Variants in KCNQ3 observed in about 807,000 individuals in gnomAD.
The protein encoded by KCNQ3 is potassium voltage-gated channel subfamily Q member 3.
KCNQ3 carries 30 observed loss-of-function variants against 92.5 expected under a neutral mutation model. The observed-to-expected ratio is 0.32, with a 90% CI of 0.24 to 0.44. The LOEUF (loss-of-function observed/expected upper bound fraction) is 0.44, where lower values mean the gene tolerates loss of function less well. KCNQ3 is among the 20% of genes least tolerant of loss of function. The probability of loss-of-function intolerance (pLI) is 1.00; values close to 1 mark genes in which losing one functional copy is unlikely to be tolerated. For synonymous variants in KCNQ3, 450 were observed against 468.8 expected, an observed-to-expected ratio of 0.96 and a Z score of 0.52; for missense variants, 913 against 1,140.3, an observed-to-expected ratio of 0.80 and a Z score of 2.87.
intron 1 of KCNQ3, among the ~76,000 whole-genome samples, chr8:132,446,676 C>T (rs1821685177): frequency 6.6e-6 from 1 of 152,146 alleles, no homozygotes; most frequent in African/African-American, 2.4e-5. Context: ...CAGGTAATTT[C>T]CAGAGGATTT....
intron 1 of KCNQ3, among the ~76,000 whole-genome samples, chr8:132,455,908 AT>A (rs1035304884): frequency 1.0e-3 from 149 of 148,874 alleles, no homozygotes; most frequent in Non-Finnish European, 1.6e-4. Flanking sequence ...AGCCTGGCTA[AT>A]TTTTTTTTTG....
At chr8:132,458,401 A>C (rs1288263645) in intron 1 of KCNQ3, among the ~76,000 whole-genome samples, 1 of 152,242 alleles carries the variant, frequency 6.6e-6, no homozygotes. Flanking sequence ...TCATGCCTAC[A>C]TGCACAAAAC....
chr8:132,256,821 C>T (rs1339969557), intron 1 of KCNQ3, among the ~76,000 whole-genome samples: 2 of 151,928 alleles, frequency 1.3e-5, no homozygotes, highest in African/African-American at 4.8e-5. Context: ...AACAAACAAA[C>T]AAAAAATTTG....
At chr8:132,346,017 T>A (rs1164640116) in intron 1 of KCNQ3, among the ~76,000 whole-genome samples, 1 of 151,834 alleles carries the variant, frequency 6.6e-6, no homozygotes, top group African/African-American at 2.4e-5. Context: ...ATGATGATGA[T>A]GGTGATGATG....
At chr8:132,408,912 A>G (rs1342842874) in intron 1 of KCNQ3, among the ~76,000 whole-genome samples, 2 of 152,186 alleles carry the variant, frequency 1.3e-5, no homozygotes, top group Non-Finnish European at 2.9e-5. Context: ...TGAGCCTCAG[A>G]TGAGATGCAG....
intron 1 of KCNQ3, among the ~76,000 whole-genome samples, chr8:132,297,742 T>C (rs1817090150): frequency 6.6e-6 from 1 of 152,268 alleles, no homozygotes; most frequent in Admixed American, 6.5e-5. Flanking sequence ...AGCAGGGCTC[T>C]GCTGGAGAAG....
rs386414036 is a variant in KCNQ3, at chr8:132,294,000, G to GTTTTTTTT, written c.387-107827_387-107820dup. Among the ~76,000 whole-genome samples, 5 of 124,192 alleles carry GTTTTTTTT rather than the reference G, an allele frequency of 4.0e-5. 1 individual carries two copies. The highest frequency in any genetic ancestry group is 4.8e-5 in the Non-Finnish European group (3 of 62,228). The allele number at this position is 124,192 out of a possible 152,430, so 81.5% of individuals were successfully genotyped here. On this transcript the variant is annotated intron_variant, in intron 1 of 14. Transcript: ENST00000388996. ...ACTAAGGGTTTTTTGTGTGTGTGTG[G>GTTTTTTTT]TTTTTTTTTTTTTTTTTTGAGACGG...
chr8:132,299,384 C>T (rs1053391480), intron 1 of KCNQ3, among the ~76,000 whole-genome samples: 1 of 152,098 alleles, frequency 6.6e-6, no homozygotes, highest in African/African-American at 2.4e-5. Context: ...CACTTAAAAA[C>T]CTAATGTGGA....
At chr8:132,452,065 T>A (rs1037992129) in intron 1 of KCNQ3, among the ~76,000 whole-genome samples, 3 of 152,084 alleles carry the variant, frequency 2.0e-5, no homozygotes, top group African/African-American at 7.3e-5. Context: ...GTTTTTCGTT[T>A]GTTTGTCACT....
chr8:132,136,142 A>AG (rs1825081162), intron 12 of KCNQ3, among the ~76,000 whole-genome samples: 4 of 149,142 alleles, frequency 2.7e-5, no homozygotes, highest in Admixed American at 1.3e-4. Context: ...AAAAAAAAAA[A>AG]AAAAGAAAAG....
chr8:132,302,879 G>T (rs1020835349), intron 1 of KCNQ3, among the ~76,000 whole-genome samples: 1 of 152,212 alleles, frequency 6.6e-6, no homozygotes, highest in African/African-American at 2.4e-5. Flanking sequence ...TGTCTGTCCA[G>T]GAGGCAGCTG....
intron 1 of KCNQ3, among the ~76,000 whole-genome samples, chr8:132,393,060 T>C (rs1820092467): frequency 6.6e-6 from 1 of 152,162 alleles, no homozygotes; most frequent in Non-Finnish European, 1.5e-5. Context: ...TTAAAAATAT[T>C]CCTGAATTGT....
intron 1 of KCNQ3, among the ~76,000 whole-genome samples, chr8:132,205,095 T>A (rs1319206270): frequency 6.6e-6 from 1 of 152,220 alleles, no homozygotes; most frequent in African/African-American, 2.4e-5. Flanking sequence ...ATCATTTTTA[T>A]TGATGTCTTC....
chr8:132,292,174 T>G (rs1816853987), intron 1 of KCNQ3, among the ~76,000 whole-genome samples: 1 of 152,196 alleles, frequency 6.6e-6, no homozygotes, highest in South Asian at 2.1e-4. Context: ...AAAGCTTGAG[T>G]CTCACTGGGG....
At chr8:132,331,415 A>G (rs982440344) in intron 1 of KCNQ3, among the ~76,000 whole-genome samples, 14 of 152,106 alleles carry the variant, frequency 9.2e-5, no homozygotes, top group African/African-American at 2.9e-4. Flanking sequence ...CCCAGCTGAG[A>G]CTCAGGGGTG....
chr8:132,184,503 G>C, intron 2 of KCNQ3, 136 bp from the exon 3 acceptor site: 2 of 605,184 alleles, frequency 3.3e-6, no homozygotes, highest in Non-Finnish European at 5.8e-6. Context: ...GATGGCTGGG[G>C]ATGGGGGTGG....
At chr8:132,369,614 G>A (rs1394583742) in intron 1 of KCNQ3, among the ~76,000 whole-genome samples, 1 of 151,836 alleles carries the variant, frequency 6.6e-6, no homozygotes, top group Non-Finnish European at 1.5e-5. Flanking sequence ...ATCACACAAT[G>A]GGGGGTTGTC....
intron 1 of KCNQ3, among the ~76,000 whole-genome samples, chr8:132,188,880 T>C (rs984954214): frequency 1.1e-4 from 16 of 152,224 alleles, no homozygotes; most frequent in Admixed American, 3.9e-4. Flanking sequence ...CAGTTGACCA[T>C]ATGTCCAAGT....
intron 1 of KCNQ3, chr8:132,186,481 G>T: frequency 2.6e-6 from 1 of 389,078 alleles, no homozygotes; most frequent in Non-Finnish European, 4.9e-6. Context: ...CAACCTCGAG[G>T]ACATTGCTGA....
Sources: allele counts gnomAD v4.1 joint callset (sites outside exome capture counted in the v4.1 genomes callset), GRCh38; gene constraint gnomAD v4.1.1; transcripts MANE v1.5; gene names NCBI Gene and HGNC (gene_info 2026-07-23, HGNC 2026-07-21).